Variants in RBFOX1 observed in about 807,000 individuals in gnomAD.
The protein encoded by RBFOX1 is RNA binding protein fox-1 homolog 1.
RBFOX1 carries 8 observed loss-of-function variants against 57.7 expected under a neutral mutation model. The ratio of observed to expected loss-of-function variants is 0.14; its 90% confidence interval spans 0.08 to 0.25. The LOEUF (loss-of-function observed/expected upper bound fraction) is 0.25. Among genes scored for constraint, RBFOX1 ranks in the 10% least tolerant of loss-of-function variants. The pLI is 1.00. For synonymous variants in RBFOX1, 326 were observed against 222.4 expected (o/e 1.47, Z -4.15); for missense variants, 611 against 548.5 (o/e 1.11, Z -1.14).
chr16:7,145,897 C>A (rs1030833738), intron 4 of RBFOX1, among the ~76,000 whole-genome samples: 2 of 152,132 alleles, frequency 1.3e-5, no homozygotes, highest in Non-Finnish European at 2.9e-5. Context: ...GTTCCCATCC[C>A]CTCAAGTCCA....
Position 7,518,336 on chromosome 16 carries a change from T to C in RBFOX1, c.217T>C (p.Ser73Pro). 6.2e-7 allele frequency: 1 copy of C among 1,613,730 alleles called. No homozygotes were observed. Among genetic ancestry groups the C allele is most frequent in the Non-Finnish European group, 8.5e-7 (1 of 1,179,858 alleles). The change falls in exon 5 of 16, where the codon TCC becomes CCC. Residue 73 changes from serine (S) to proline (P), a missense_variant. Physicochemically the swap from Ser to Pro is moderately conservative, Grantham distance 74. This residue lies in a region of RBFOX1 where 245 missense variants were observed against 159.1 expected (regional missense o/e 1.54). Transcript: ENST00000550418. ...CCTGTACCCTCCCGCCCAGACGCAC[T>C]CCGAGCAGAGCCCGGCGGACACGAG... ...LNLYPPAQTH[S>P]EQSPADTSAQ...
chr16:5,681,240 A>ATTTTT (rs71404546), intron 3 of RBFOX1, among the ~76,000 whole-genome samples: 46 of 134,610 alleles, frequency 3.4e-4, no homozygotes, highest in African/African-American at 1.3e-3. Flanking sequence ...TGCCTGGCTA[A>ATTTTT]TTTTTTTTTT....
At chr16:5,884,469 C>A (rs1416301930) in intron 4 of RBFOX1, among the ~76,000 whole-genome samples, 1 of 149,304 alleles carries the variant, frequency 6.7e-6, no homozygotes. Flanking sequence ...CCACCACCCC[C>A]CTACCCCCGC....
intron 3 of RBFOX1, among the ~76,000 whole-genome samples, chr16:6,946,155 T>G (rs2079473973): frequency 6.6e-6 from 1 of 152,204 alleles, no homozygotes. Flanking sequence ...TAACTCATGA[T>G]TAGGGGTTGG....
chr16:6,998,250 TTC>T (rs1027283909), intron 3 of RBFOX1, among the ~76,000 whole-genome samples: 76 of 152,308 alleles, frequency 5.0e-4, no homozygotes, highest in African/African-American at 1.4e-3. Context: ...TTGCTAAATA[TTC>T]CTAAAGCCTA....
At chr16:7,331,356 G>T (rs192705504) in intron 4 of RBFOX1, among the ~76,000 whole-genome samples, 1 of 152,104 alleles carries the variant, frequency 6.6e-6, no homozygotes, top group African/African-American at 2.4e-5. Flanking sequence ...TTTTGAAGGT[G>T]ATTTTCAGTG....
intron 1 of RBFOX1, among the ~76,000 whole-genome samples, chr16:6,274,342 C>A (rs560238328): frequency 1.3e-5 from 2 of 152,098 alleles, no homozygotes; most frequent in African/African-American, 4.8e-5. Flanking sequence ...TGTGGTATAT[C>A]CATACCACAA....
chr16:7,174,003 T>C (rs115414368), intron 4 of RBFOX1, among the ~76,000 whole-genome samples: 180 of 152,282 alleles, frequency 1.2e-3, no homozygotes, highest in African/African-American at 4.1e-3. Flanking sequence ...TCAATCACAG[T>C]GAACTGGTTG....
At chr16:7,181,214 T>C (rs2082629850) in intron 4 of RBFOX1, among the ~76,000 whole-genome samples, 2 of 151,876 alleles carry the variant, frequency 1.3e-5, no homozygotes, top group Non-Finnish European at 2.9e-5. Flanking sequence ...TCTCTCTAGA[T>C]GTTAAATAGG....
At chr16:6,602,769 C>G (rs1382860696) in intron 2 of RBFOX1, among the ~76,000 whole-genome samples, 1 of 152,112 alleles carries the variant, frequency 6.6e-6, no homozygotes, top group Non-Finnish European at 1.5e-5. Context: ...CTGTGCATTC[C>G]TCTTGCTATC....
At chr16:7,240,196 A>G (rs1603432348) in intron 4 of RBFOX1, among the ~76,000 whole-genome samples, 1 of 152,002 alleles carries the variant, frequency 6.6e-6, no homozygotes, top group East Asian at 1.9e-4. Flanking sequence ...TGAACTCCTG[A>G]CCTCAGGTGA....
chr16:6,890,890 G>A (rs2065253702), intron 3 of RBFOX1, among the ~76,000 whole-genome samples: 1 of 152,194 alleles, frequency 6.6e-6, no homozygotes, highest in African/African-American at 2.4e-5. Context: ...GAAGTCAGGG[G>A]TATGAAGTGA....
chr16:7,210,727 C>G (rs2090961246), intron 4 of RBFOX1, among the ~76,000 whole-genome samples: 1 of 152,078 alleles, frequency 6.6e-6, no homozygotes, highest in African/African-American at 2.4e-5. Flanking sequence ...TTATCATTCT[C>G]ATAGTATCAA....
At chr16:6,139,976 C>T (rs1045244861) in intron 1 of RBFOX1, among the ~76,000 whole-genome samples, 1 of 152,194 alleles carries the variant, frequency 6.6e-6, no homozygotes, top group Non-Finnish European at 1.5e-5. Context: ...AACTGCTCCT[C>T]TCAAGATTCA....
chr16:6,855,025 T>G (rs1324053732), intron 3 of RBFOX1, among the ~76,000 whole-genome samples: 2 of 151,900 alleles, frequency 1.3e-5, no homozygotes, highest in Non-Finnish European at 2.9e-5. Flanking sequence ...AGGACAATGT[T>G]TCACTGTTGG....
At chr16:5,786,287 A>T (rs2054497959) in intron 3 of RBFOX1, among the ~76,000 whole-genome samples, 1 of 151,950 alleles carries the variant, frequency 6.6e-6, no homozygotes, top group African/African-American at 2.4e-5. Context: ...CTTGTCTCTT[A>T]GCTCTGGGAA....
chr16:7,110,310 A>G (rs1388107513), intron 4 of RBFOX1, among the ~76,000 whole-genome samples: 1 of 152,032 alleles, frequency 6.6e-6, no homozygotes, highest in Admixed American at 6.6e-5. Context: ...GTGGTGAACT[A>G]TGATCATGCC....
intron 3 of RBFOX1, among the ~76,000 whole-genome samples, chr16:6,784,006 A>G (rs1230836584): frequency 5.3e-5 from 8 of 152,162 alleles, no homozygotes; most frequent in Non-Finnish European, 8.8e-5. Flanking sequence ...AAGTCTGCTG[A>G]CAAACATTTG....
At chr16:6,102,995 A>G (rs150000221) in intron 1 of RBFOX1, among the ~76,000 whole-genome samples, 77 of 152,252 alleles carry the variant, frequency 5.1e-4, no homozygotes, top group African/African-American at 1.7e-3. Flanking sequence ...GTCTTGCAAG[A>G]CTTTCATAAT....
Sources: gnomAD v4.1 joint callset for allele counts (sites outside exome capture counted in the v4.1 genomes callset) on GRCh38, gnomAD v4.1.1 for gene constraint, gnomAD v4.1.1 regional missense constraint, MANE v1.5 for transcripts, NCBI Gene and HGNC (gene_info 2026-07-23, HGNC 2026-07-21) for gene names.